Variants in WFDC6 observed in about 807,000 individuals in gnomAD.
The protein encoded by WFDC6 is WAP four-disulfide core domain protein 6.
Under a neutral mutation model 8.2 loss-of-function variants are expected in WFDC6, and 10 were observed. That is an observed-to-expected ratio of 1.22 (90% CI 0.75 to 2.07). The LOEUF is 2.07. WFDC6 is among the 30% of genes most tolerant of loss of function. The probability of loss-of-function intolerance (pLI) is 0.00; values close to 1 mark genes in which losing one functional copy is unlikely to be tolerated. For missense variants in WFDC6, 105 were observed against 104.9 expected, an observed-to-expected ratio of 1.00 and a Z score of 0.00; for synonymous variants, 28 against 37.0, an observed-to-expected ratio of 0.76 and a Z score of 0.88.
chr20:45,537,912 G>A (rs1979428032), intron 2 of WFDC6, 52 bp downstream of exon 2: 3 of 1,612,842 alleles, frequency 1.9e-6, no homozygotes, highest in Non-Finnish European at 2.5e-6. Context: ...GTGCAGTGCA[G>A]GTGGAGATAG....
intron 2 of WFDC6, chr20:45,535,227 C>A: frequency 4.6e-6 from 6 of 1,304,256 alleles, no homozygotes; most frequent in Non-Finnish European, 6.1e-6. Context: ...CCCTGGCTAC[C>A]GCCATAGATG....
intron 2 of WFDC6, chr20:45,537,618 A>G: frequency 6.7e-7 from 1 of 1,483,350 alleles, no homozygotes; most frequent in South Asian, 1.2e-5. Context: ...AACCTGACAC[A>G]ATGTTGGCAT....
intron 2 of WFDC6, chr20:45,537,244 T>C (rs1979401311): frequency 1.1e-5 from 5 of 448,802 alleles, no homozygotes; most frequent in Non-Finnish European, 2.0e-5. Flanking sequence ...CCACAGAGCC[T>C]TTGCACATCC....
intron 2 of WFDC6, chr20:45,537,619 A>G (rs1568986628): frequency 1.2e-5 from 18 of 1,477,130 alleles, no homozygotes; most frequent in South Asian, 2.4e-5. Context: ...ACCTGACACA[A>G]TGTTGGCATT....
intron 2 of WFDC6, among the ~76,000 whole-genome samples, chr20:45,535,903 T>C (rs1327003515): frequency 1.3e-5 from 2 of 152,196 alleles, no homozygotes; most frequent in Non-Finnish European, 2.9e-5. Flanking sequence ...CTTCCCAAAC[T>C]TATGCTCTAA....
chr20:45,535,061 C>T, intron 2 of WFDC6: 2 of 1,196,198 alleles, frequency 1.7e-6, no homozygotes, highest in Non-Finnish European at 1.1e-6. Context: ...CTGGTTTTGT[C>T]ATCCCCAGCG....
Position 45,534,404 on chromosome 20 carries a change from A to T in WFDC6, c.*63T>A, listed in dbSNP as rs1979287063. 1 of 1,606,404 alleles carries T rather than the reference A, an allele frequency of 6.2e-7. No homozygotes were observed. The highest frequency in any genetic ancestry group is 8.5e-7 in the Non-Finnish European group (1 of 1,173,046). ...AGCCAAGGTTTGGCCCGTGGAAGCC[A>T]ATTTGGAGCATCAATCAGGCACACG... On this transcript the variant is annotated 3_prime_UTR_variant, in exon 3 of 3. Coordinates refer to ENST00000372670, the MANE Select transcript of WFDC6 (RefSeq NM_080827.2).
At chr20:45,535,042 G>A in intron 2 of WFDC6, 1 of 923,958 alleles carries the variant, frequency 1.1e-6, no homozygotes, top group South Asian at 1.7e-5. Flanking sequence ...TTATACTTCT[G>A]CATTGGAGCT....
chr20:45,537,818 G>A, intron 2 of WFDC6, 146 bp downstream of exon 2: 3 of 1,461,532 alleles, frequency 2.1e-6, no homozygotes. Flanking sequence ...CCCAAGTCCA[G>A]GACTGGCAGA....
intron 1 of WFDC6, 36 bp from the exon 2 acceptor site, chr20:45,538,130 A>G (rs753203420): frequency 6.2e-7 from 1 of 1,613,368 alleles, no homozygotes; most frequent in Admixed American, 1.7e-5. Flanking sequence ...TCAAGGCCTT[A>G]AAGGAGCCAG....
At chr20:45,535,925 T>G (rs754832273) in intron 2 of WFDC6, among the ~76,000 whole-genome samples, 1 of 152,222 alleles carries the variant, frequency 6.6e-6, no homozygotes, top group South Asian at 2.1e-4. Flanking sequence ...AATAGCACTT[T>G]CTTACACACC....
chr20:45,535,287 G>C (rs1979322520), intron 2 of WFDC6: 1 of 1,304,172 alleles, frequency 7.7e-7, no homozygotes, highest in Non-Finnish European at 1.0e-6. Flanking sequence ...GTGTGGTATG[G>C]AGGCCAGGCA....
chr20:45,535,137 G>A (rs1471153245), intron 2 of WFDC6: 1 of 1,297,130 alleles, frequency 7.7e-7, no homozygotes, highest in African/African-American at 1.5e-5. Flanking sequence ...GTGAGCACAG[G>A]AGACCGGGAC....
chr20:45,538,307 T>C (rs756005192), intron 1 of WFDC6, among the ~76,000 whole-genome samples: 1 of 152,098 alleles, frequency 6.6e-6, no homozygotes, highest in Non-Finnish European at 1.5e-5. Context: ...AACCAACCCC[T>C]ACCCCCTACC....
chr20:45,535,370 C>A (rs1296909231), intron 2 of WFDC6: 12 of 1,264,742 alleles, frequency 9.5e-6, no homozygotes, highest in Non-Finnish European at 1.2e-5. Context: ...GGGTGCCTGT[C>A]TCCCTGGAGA....
chr20:45,538,579 C>A (rs991948837), intron 1 of WFDC6, among the ~76,000 whole-genome samples: 6 of 152,178 alleles, frequency 3.9e-5, no homozygotes, highest in Admixed American at 6.5e-5. Flanking sequence ...GACAAGCCAT[C>A]GTCAAACTGC....
intron 2 of WFDC6, chr20:45,537,549 G>A (rs1979411504): frequency 1.9e-6 from 3 of 1,549,830 alleles, no homozygotes; most frequent in African/African-American, 1.4e-5. Flanking sequence ...AGACAGAGAG[G>A]CCTAGAGAAA....
rs2145540459 is a variant in WFDC6, at chr20:45,534,255, G to A, written c.*212C>T. The A allele has an allele frequency of 1.6e-6, 1 of 613,452 alleles. No homozygotes were observed. The highest frequency in any genetic ancestry group is 2.9e-6 in the Non-Finnish European group (1 of 342,994). 38.0% of individuals were successfully genotyped at this position (613,452 alleles called of 1,614,324 possible). A position where few individuals can be genotyped will look rare whatever the true frequency, so the allele number is the denominator to read the frequency against. Reference sequence around the variant, plus strand: ...AAGCCTTCATACAAATAAATGGGGGGTCTGAAAGTTGAAGACATAGAGTTT... The same window carrying A: ...AAGCCTTCATACAAATAAATGGGGGATCTGAAAGTTGAAGACATAGAGTTT... On this transcript the variant is annotated 3_prime_UTR_variant, in exon 3 of 3. Transcript: ENST00000372670.
intron 2 of WFDC6, among the ~76,000 whole-genome samples, chr20:45,536,506 T>G (rs989367820): frequency 6.6e-6 from 1 of 152,224 alleles, no homozygotes; most frequent in African/African-American, 2.4e-5. Context: ...GTTCTCATTA[T>G]GCAGATGAGA....
Sources: allele counts gnomAD v4.1 joint callset (sites outside exome capture counted in the v4.1 genomes callset), GRCh38; gene constraint gnomAD v4.1.1; transcripts MANE v1.5; gene names NCBI Gene and HGNC (gene_info 2026-07-23, HGNC 2026-07-21).